Variants in PTPRD observed in about 807,000 individuals in gnomAD.
PTPRD encodes receptor-type tyrosine-protein phosphatase delta.
In PTPRD, 34 loss-of-function variants were observed where a neutral mutation model predicts 214.5. The ratio of observed to expected loss-of-function variants is 0.16; its 90% CI spans 0.12 to 0.21. The LOEUF (loss-of-function observed/expected upper bound fraction) is 0.21. PTPRD is among the 10% of genes least tolerant of loss of function. PTPRD has a pLI of 1.00. For missense variants in PTPRD, 2,545 were observed against 2,398.7 expected (o/e 1.06, Z -1.27); for synonymous variants, 1,128 against 845.7 (o/e 1.33, Z -5.79).
At chr9:9,014,703 G>T (rs183459496) in intron 11 of PTPRD, among the ~76,000 whole-genome samples, 430 of 152,228 alleles carry the variant, frequency 2.8e-3, no homozygotes, top group Admixed American at 5.2e-3. Flanking sequence ...TCTATATTGT[G>T]TATGAACATG....
chr9:8,448,056 G>A (rs1046533564), intron 34 of PTPRD, among the ~76,000 whole-genome samples: 1 of 152,106 alleles, frequency 6.6e-6, no homozygotes, highest in Non-Finnish European at 1.5e-5. Context: ...CAGGAGTGGT[G>A]GCTAATGCCT....
At chr9:10,232,388 A>G (rs912925697) in intron 3 of PTPRD, among the ~76,000 whole-genome samples, 2 of 152,008 alleles carry the variant, frequency 1.3e-5, no homozygotes, top group African/African-American at 4.8e-5. Flanking sequence ...ATGAAGTCAA[A>G]TATCTGGATG....
rs1414985599 is a variant in PTPRD at position 8,948,555 on chromosome 9, ATATATATT to A, written c.-104+70134_-104+70141del. ...TTTATATATATATTTATATATATTT[ATATATATT>A]TATATATATATATACACACACACAC... On this transcript the variant is annotated intron_variant, in intron 11 of 45. Coordinates refer to ENST00000381196, the MANE Select transcript of PTPRD (RefSeq NM_002839.4). 2.6e-4 allele frequency among the ~76,000 whole-genome samples: 24 copies of A among 90,992 alleles called. 2 individuals are homozygous for A. Among genetic ancestry groups the A allele is most frequent in the African/African-American group, 9.2e-4 (22 of 23,792 alleles). The allele number at this position is 90,992 out of a possible 152,430, so 59.7% of individuals were successfully genotyped here.
intron 9 of PTPRD, among the ~76,000 whole-genome samples, chr9:9,241,552 G>A (rs1479139919): frequency 1.3e-5 from 2 of 152,116 alleles, no homozygotes; most frequent in South Asian, 2.1e-4. Flanking sequence ...CATACCTTGA[G>A]CACATGGTTC....
At chr9:9,568,307 C>T (rs529375785) in intron 8 of PTPRD, among the ~76,000 whole-genome samples, 1 of 151,888 alleles carries the variant, frequency 6.6e-6, no homozygotes, top group African/African-American at 2.4e-5. Context: ...ACATGGAAGA[C>T]TTGAGAAAAT....
At chr9:8,599,665 C>T (rs1422134953) in intron 14 of PTPRD, among the ~76,000 whole-genome samples, 1 of 120,964 alleles carries the variant, frequency 8.3e-6, no homozygotes, top group Non-Finnish European at 1.6e-5. Flanking sequence ...CTCTTGTTGC[C>T]CAGGCTGGAG....
chr9:8,590,111 T>C (rs1211417268), intron 14 of PTPRD, among the ~76,000 whole-genome samples: 1 of 152,106 alleles, frequency 6.6e-6, no homozygotes, highest in Non-Finnish European at 1.5e-5. Context: ...ATACAATCTG[T>C]ATAGATATAG....
chr9:9,980,127 A>C (rs951487280), intron 4 of PTPRD, among the ~76,000 whole-genome samples: 4 of 152,174 alleles, frequency 2.6e-5, no homozygotes, highest in Non-Finnish European at 4.4e-5. Flanking sequence ...AATATTTCAA[A>C]ATTAAGCATT....
chr9:10,335,941 A>G (rs1299645698), intron 3 of PTPRD, among the ~76,000 whole-genome samples: 1 of 151,748 alleles, frequency 6.6e-6, no homozygotes, highest in East Asian at 1.9e-4. Flanking sequence ...TGAAAACACT[A>G]AATGCTGTCA....
At chr9:8,450,857 T>A (rs1458185860) in intron 33 of PTPRD, among the ~76,000 whole-genome samples, 2 of 152,194 alleles carry the variant, frequency 1.3e-5, no homozygotes, top group Non-Finnish European at 2.9e-5. Flanking sequence ...TTTTTCCAAA[T>A]ACTAACGCCT....
chr9:8,837,699 G>C (rs1292098281), intron 11 of PTPRD, among the ~76,000 whole-genome samples: 1 of 151,426 alleles, frequency 6.6e-6, no homozygotes, highest in Non-Finnish European at 1.5e-5. Context: ...GTGAGATCTT[G>C]CTATGTTGCC....
chr9:8,716,803 C>T (rs748901803), intron 12 of PTPRD, among the ~76,000 whole-genome samples: 2 of 152,140 alleles, frequency 1.3e-5, no homozygotes, highest in Non-Finnish European at 2.9e-5. Context: ...GAATGTTACT[C>T]TCCTGGTCAC....
chr9:9,887,384 C>A (rs2071360363), intron 5 of PTPRD, among the ~76,000 whole-genome samples: 1 of 152,114 alleles, frequency 6.6e-6, no homozygotes, highest in African/African-American at 2.4e-5. Context: ...AGTTTTGTCT[C>A]CTGCAGTGAA....
At chr9:9,909,096 A>C (rs1373627939) in intron 5 of PTPRD, among the ~76,000 whole-genome samples, 1 of 151,952 alleles carries the variant, frequency 6.6e-6, no homozygotes, top group Non-Finnish European at 1.5e-5. Flanking sequence ...TACTGAGCTC[A>C]GAATTTCCTT....
intron 2 of PTPRD, among the ~76,000 whole-genome samples, chr9:10,531,230 A>T (rs1384798849): frequency 6.6e-6 from 1 of 152,160 alleles, no homozygotes; most frequent in Non-Finnish European, 1.5e-5. Context: ...GATTGCAGGC[A>T]TGAGCCACTA....
At chr9:8,897,217 A>T (rs2098624792) in intron 11 of PTPRD, among the ~76,000 whole-genome samples, 2 of 152,166 alleles carry the variant, frequency 1.3e-5, no homozygotes, top group Admixed American at 6.6e-5. Context: ...GGGAATATCG[A>T]ACAAGCGTAA....
intron 5 of PTPRD, among the ~76,000 whole-genome samples, chr9:9,813,486 T>C (rs932151841): frequency 5.9e-5 from 9 of 152,014 alleles, no homozygotes; most frequent in Non-Finnish European, 8.8e-5. Context: ...TAGCAGGTTA[T>C]TAACAATACA....
At chr9:10,522,414 G>A (rs1270554407) in intron 2 of PTPRD, among the ~76,000 whole-genome samples, 1 of 152,114 alleles carries the variant, frequency 6.6e-6, no homozygotes, top group Non-Finnish European at 1.5e-5. Context: ...TCTATTAAAG[G>A]CTGAGAAAGC....
chr9:9,692,492 G>A (rs373772956), intron 7 of PTPRD, among the ~76,000 whole-genome samples: 3 of 152,066 alleles, frequency 2.0e-5, no homozygotes, highest in African/African-American at 7.2e-5. Flanking sequence ...TTATGTGTCT[G>A]TTTTTATGCC....
Sources: gnomAD v4.1 joint callset for allele counts (sites outside exome capture counted in the v4.1 genomes callset) on GRCh38, gnomAD v4.1.1 for gene constraint, MANE v1.5 for transcripts, NCBI Gene and HGNC (gene_info 2026-07-23, HGNC 2026-07-21) for gene names.